Variants in USP1 observed in about 807,000 individuals in gnomAD.
USP1 encodes ubiquitin specific peptidase 1.
Under a neutral mutation model 72.2 loss-of-function variants are expected in USP1, and 18 were observed. That is an observed-to-expected ratio of 0.25 (90% CI 0.17 to 0.37). USP1 has a LOEUF of 0.37. Ranked by LOEUF, USP1 falls within the 10% of genes least tolerant of loss-of-function variation. USP1 has a pLI of 1.00. For synonymous variants in USP1, 354 were observed against 303.7 expected (o/e 1.17, Z -1.72); for missense variants, 759 against 884.9 (o/e 0.86, Z 1.81).
chr1:62,451,019 C>T lies in USP1; in HGVS notation c.*38C>T. 1.3e-6 allele frequency: 2 copies of T among 1,493,540 alleles called. No individual in the cohort carries two copies. Among genetic ancestry groups the T allele is most frequent in the Non-Finnish European group, 1.8e-6 (2 of 1,124,966 alleles). The allele number at this position is 1,493,540 out of a possible 1,614,324, so 92.5% of individuals were successfully genotyped here. ...TTCCTTGTGTATATATTAAACACAC[C>T]CATACAAACATTGGTAAAGTTGATT... is the stretch of plus-strand genomic sequence containing the variant. On this transcript the variant is annotated 3_prime_UTR_variant, in exon 9 of 9. Coordinates refer to ENST00000339950, the MANE Select transcript of USP1 (RefSeq NM_003368.5).
intron 8 of USP1, among the ~76,000 whole-genome samples, chr1:62,449,376 T>A (rs1645197908): frequency 6.6e-6 from 1 of 152,106 alleles, no homozygotes; most frequent in Non-Finnish European, 1.5e-5. Context: ...TGAAAAAAAA[T>A]GCTGATTGTT....
chr1:62,440,251 T>G (rs141542638), intron 2 of USP1, among the ~76,000 whole-genome samples: 99 of 152,294 alleles, frequency 6.5e-4, no homozygotes, highest in African/African-American at 2.4e-3. Context: ...ATGTTAACAC[T>G]GTGCTCAGCC....
chr1:62,444,216 G>A (rs1258153979), intron 5 of USP1, among the ~76,000 whole-genome samples: 3 of 142,310 alleles, frequency 2.1e-5, no homozygotes, highest in Non-Finnish European at 1.5e-5. Context: ...CCAAGATTGC[G>A]CCATTGCAGT....
At chr1:62,444,003 A>T (rs1158808519) in intron 5 of USP1, among the ~76,000 whole-genome samples, 2 of 152,178 alleles carry the variant, frequency 1.3e-5, no homozygotes, top group Non-Finnish European at 2.9e-5. Flanking sequence ...TCACACTTGT[A>T]ATCCCAGCAC....
rs1284889053 is a variant in USP1, at chr1:62,439,955, A to G, written c.88A>G (p.Lys30Glu). 13 of 1,566,262 alleles carry G rather than the reference A, an allele frequency of 8.3e-6. No individual in the cohort carries two copies. Among genetic ancestry groups the G allele is most frequent in the African/African-American group, 1.4e-5 (1 of 72,084 alleles). ...CAGACTTTCCTTAAAGTTTTTTCAG[A>G]AAAAGGAAACTAAGAGAGCTTTGGA... ...KNRLSLKFFQ[K>E]KETKRALDFT... Residue 30 changes from lysine to glutamate, a missense_variant, in exon 2 of 9, where the codon AAA becomes GAA. Lys to Glu is a moderately conservative substitution (Grantham distance 56). Transcript: ENST00000339950.
At chr1:62,438,375 C>T (rs1645107319) in intron 1 of USP1, among the ~76,000 whole-genome samples, 1 of 152,102 alleles carries the variant, frequency 6.6e-6, no homozygotes, top group African/African-American at 2.4e-5. Flanking sequence ...ATTAGGTAGA[C>T]AGGAGAGTAA....
intron 8 of USP1, among the ~76,000 whole-genome samples, chr1:62,448,961 C>T (rs1645194973): frequency 2.6e-5 from 4 of 152,122 alleles, no homozygotes; most frequent in Admixed American, 2.6e-4. Context: ...CAGCTCACTG[C>T]AGTCTTGACC....
chr1:62,439,960 G>A lies in USP1; in HGVS notation c.93G>A (p.Lys31=). The A allele has an allele frequency of 6.4e-7, 1 of 1,563,184 alleles. No homozygotes were observed. Residue 31 remains lysine, a synonymous_variant, in exon 2 of 9, where the codon AAG becomes AAA. Coordinates refer to ENST00000339950, the MANE Select transcript of USP1 (RefSeq NM_003368.5). Reference sequence around the variant, plus strand: ...TTTCCTTAAAGTTTTTTCAGAAAAAGGAAACTAAGAGAGCTTTGGATTTCA... The same window carrying A: ...TTTCCTTAAAGTTTTTTCAGAAAAAAGAAACTAAGAGAGCTTTGGATTTCA... The part of the protein sequence containing the change: ...NRLSLKFFQK[K]ETKRALDFTD...
intron 4 of USP1, among the ~76,000 whole-genome samples, chr1:62,442,685 G>A (rs1645142137): frequency 6.6e-6 from 1 of 152,044 alleles, no homozygotes; most frequent in Admixed American, 6.6e-5. Flanking sequence ...CACATAAATA[G>A]TAATTCATAA....
At chr1:62,445,937 C>G (rs1342033024) in intron 6 of USP1, among the ~76,000 whole-genome samples, 1 of 152,002 alleles carries the variant, frequency 6.6e-6, no homozygotes, top group African/African-American at 2.4e-5. Flanking sequence ...CAATATTATG[C>G]CACTGCACTC....
In USP1 at chr1:62,450,306, A is replaced by G. The variant is rs200040744; in HGVS notation, c.1683A>G (p.Lys561=). Residue 561 remains lysine (K), a synonymous_variant, in exon 9 of 9, where the codon AAA becomes AAG. Coordinates refer to ENST00000339950, the MANE Select transcript of USP1 (RefSeq NM_003368.5). The part of the protein sequence containing the change: ...KINTPLLTPL[K]LSLEEWSTKP... Reference sequence around the variant, plus strand: ...ACACTCCTTTATTGACACCTCTTAAATTGTCACTAGAAGAATGGAGCACAA... The same window carrying G: ...ACACTCCTTTATTGACACCTCTTAAGTTGTCACTAGAAGAATGGAGCACAA... 2.3e-5 allele frequency: 37 copies of G among 1,614,148 alleles called. No homozygotes were observed. The Middle Eastern group carries it at 8.3e-4, about 36-fold the overall frequency.
chr1:62,441,791 A>G (rs945250688), intron 3 of USP1, among the ~76,000 whole-genome samples, 183 bp downstream of exon 3: 18 of 152,326 alleles, frequency 1.2e-4, no homozygotes, highest in African/African-American at 3.8e-4. Flanking sequence ...GGTAAGAGAA[A>G]ATGATAGACT....
At chr1:62,446,138 TAAC>T (rs1381524081) in intron 6 of USP1, among the ~76,000 whole-genome samples, 3 of 151,786 alleles carry the variant, frequency 2.0e-5, no homozygotes, top group Non-Finnish European at 2.9e-5. Context: ...ATGTGTTGCT[TAAC>T]AACAGGGATA....
rs748445600 is a variant in USP1, at chr1:62,450,493, C to A, written c.1870C>A (p.Pro624Thr). Residue 624 changes from proline to threonine, a missense_variant, in exon 9 of 9, where the codon CCA (proline) becomes ACA (threonine). Coordinates refer to ENST00000339950, the MANE Select transcript of USP1 (RefSeq NM_003368.5). Reference sequence around the variant, plus strand: ...TGACCAAATGTGTGAAATAGGTAAGCCAGAACCATTGAATGAGGAGGAAGC... The same window carrying A: ...TGACCAAATGTGTGAAATAGGTAAGACAGAACCATTGAATGAGGAGGAAGC... Reference protein sequence around the residue: ...VVDQMCEIGKPEPLNEEEARG... With the variant: ...VVDQMCEIGKTEPLNEEEARG... The A allele has an allele frequency of 1.5e-5, 25 of 1,613,744 alleles. No individual in the cohort carries two copies. The highest frequency in any genetic ancestry group is 5.1e-6 in the Non-Finnish European group (6 of 1,180,004).
At position 62,450,936 on chromosome 1, in the gene USP1, A is replaced by G; in HGVS notation, c.2313A>G (p.Thr771=). The change falls in exon 9 of 9, where the codon ACA becomes ACG. Residue 771 remains threonine, a synonymous_variant. Coordinates refer to ENST00000339950, the MANE Select transcript of USP1 (RefSeq NM_003368.5). ...TTCTGAATTCTCTTTCCCCTTCTAC[A>G]TCTCCTACTTCTACTCCTTACTTGC... ...KDFLNSLSPS[T]SPTSTPYLLF... 2 of 1,610,986 alleles carry G rather than the reference A, an allele frequency of 1.2e-6. No homozygotes were observed. The highest frequency in any genetic ancestry group is 8.5e-7 in the Non-Finnish European group (1 of 1,179,204).
In USP1 at chr1:62,437,256, C is replaced by T. The variant is rs2149202970; in HGVS notation, c.-214C>T. The T allele has an allele frequency of 5.0e-6, 2 of 398,284 alleles. No individual in the cohort carries two copies. Among genetic ancestry groups the T allele is most frequent in the East Asian group, 7.1e-5 (2 of 28,044 alleles). 24.7% of individuals were successfully genotyped at this position (398,284 alleles called of 1,614,324 possible). On this transcript the variant is annotated 5_prime_UTR_variant, in exon 1 of 9. Transcript: ENST00000339950. Reference sequence around the variant, plus strand: ...GCTCTTGGGAGCGGATGGTCACTCCCCCGCGGGGAGGGCGAGCCGACCAGA... The same window carrying T: ...GCTCTTGGGAGCGGATGGTCACTCCTCCGCGGGGAGGGCGAGCCGACCAGA...
intron 6 of USP1, 71 bp downstream of exon 6, chr1:62,445,500 G>C (rs1645165412): frequency 7.5e-7 from 1 of 1,338,282 alleles, no homozygotes; most frequent in South Asian, 1.6e-5. Flanking sequence ...TCTCTTCCTA[G>C]ATACATGTAC....
chr1:62,447,349 C>G lies in USP1; in HGVS notation c.1258C>G (p.Gln420Glu). Reference sequence around the variant, plus strand: ...TCCTATTTTCATTTTAGGTGAAGAACAAATTGGTTTTGAGCTAGTGGAGAA... The same window carrying G: ...TCCTATTTTCATTTTAGGTGAAGAAGAAATTGGTTTTGAGCTAGTGGAGAA... ...EVKPINKGEE[Q>E]IGFELVEKLF... Residue 420 changes from glutamine (Q) to glutamate (E), a missense_variant, in exon 7 of 9, where the codon CAA (glutamine) becomes GAA (glutamate). Around this residue, in one of 9 missense-constraint regions of USP1, gnomAD observed 245 missense variants for 240.7 expected, o/e 1.02. Transcript: ENST00000339950. 1 of 1,612,386 alleles carries G rather than the reference C, an allele frequency of 6.2e-7. No homozygotes were observed. The highest frequency in any genetic ancestry group is 2.2e-5 in the East Asian group (1 of 44,830).
At position 62,440,020 on chromosome 1, in the gene USP1, A is replaced by G; in HGVS notation, c.153A>G (p.Glu51=). Residue 51 remains glutamate, a synonymous_variant, in exon 2 of 9, where the codon GAA becomes GAG. Transcript: ENST00000339950. The stretch of plus-strand genomic sequence containing the variant: ...AAGAAAATGAAGAAAAAGCTTCTGA[A>G]TATAGAGCATCTGAAATGTATGTAT... The part of the protein sequence containing the change: ...DSQENEEKAS[E]YRASEIDQVV... The G allele has an allele frequency of 6.5e-7, 1 of 1,532,212 alleles. No individual in the cohort carries two copies. 94.9% of individuals were successfully genotyped at this position (1,532,212 alleles called of 1,614,324 possible). A position where few individuals can be genotyped will look rare whatever the true frequency, so the allele number is the denominator to read the frequency against.
Sources: gnomAD v4.1 joint callset for allele counts (sites outside exome capture counted in the v4.1 genomes callset) on GRCh38, gnomAD v4.1.1 for gene constraint, gnomAD v4.1.1 regional missense constraint, MANE v1.5 for transcripts, NCBI Gene and HGNC (gene_info 2026-07-23, HGNC 2026-07-21) for gene names.